STK39: variants seen among roughly 807,000 people sequenced by gnomAD.
STK39 encodes serine/threonine kinase 39.
In STK39, 20 loss-of-function variants were observed where a neutral mutation model predicts 77.8. The observed-to-expected ratio is 0.26, with a 90% confidence interval of 0.18 to 0.37. STK39 has a LOEUF of 0.37. Among genes scored for constraint, STK39 ranks in the 10% least tolerant of loss-of-function variants. STK39 has a pLI of 1.00. For missense variants in STK39, 479 were observed against 656.5 expected (o/e 0.73, Z 2.95); for synonymous variants, 246 against 234.1 (o/e 1.05, Z -0.47).
chr2:168,063,487 C>T lies in STK39; in HGVS notation c.1376+13G>A. 6.2e-7 allele frequency: 1 copy of T among 1,604,618 alleles called. No homozygotes were observed. Among genetic ancestry groups the T allele is most frequent in the South Asian group, 1.1e-5 (1 of 89,288 alleles). The stretch of plus-strand genomic sequence containing the variant: ...AGGAAAAACAATGCAGAATAAACAA[C>T]AGTATTATTTACCTTAATCTCAAAA... On this transcript the variant is annotated intron_variant, in intron 14 of 17. Transcript: ENST00000355999.
chr2:168,160,806 A>AT lies in STK39; in HGVS notation c.628+980_628+981insA, dbSNP rs1559126530. Among the ~76,000 whole-genome samples the AT allele has an allele frequency of 1.6e-4, 25 of 152,190 alleles. No homozygotes were observed. The South Asian group carries it at 3.3e-3, about 20-fold the overall frequency. ...TAGCTGTTACTTGTTTAACTGAAGT[A>AT]CTTTTTCAAACTGTCCTTAGCCTAT... On this transcript the variant is annotated intron_variant, in intron 5 of 17. Transcript: ENST00000355999.
intron 1 of STK39, among the ~76,000 whole-genome samples, chr2:168,185,181 A>C (rs1430522959): frequency 6.6e-6 from 1 of 152,216 alleles, no homozygotes; most frequent in Non-Finnish European, 1.5e-5. Context: ...TCAATGAAGT[A>C]TCATGCACCC....
intron 16 of STK39, among the ~76,000 whole-genome samples, chr2:167,982,603 C>T (rs138463821): frequency 1.9e-4 from 29 of 152,342 alleles, no homozygotes; most frequent in Non-Finnish European, 3.7e-4. Context: ...GGTCACTCTA[C>T]TTACAAGGGA....
At chr2:168,091,900 A>C (rs529562850) in intron 10 of STK39, among the ~76,000 whole-genome samples, 1 of 152,334 alleles carries the variant, frequency 6.6e-6, no homozygotes, top group East Asian at 1.9e-4. Context: ...GACATTTAAA[A>C]ACATGATCAC....
chr2:168,085,457 T>A, intron 10 of STK39, among the ~76,000 whole-genome samples: 1 of 152,190 alleles, frequency 6.6e-6, no homozygotes, highest in Non-Finnish European at 1.5e-5. Flanking sequence ...AGCAGATATT[T>A]GTCTCTTTAG....
At chr2:168,149,909 T>A (rs144610974) in intron 5 of STK39, among the ~76,000 whole-genome samples, 2 of 152,112 alleles carry the variant, frequency 1.3e-5, no homozygotes, top group Non-Finnish European at 2.9e-5. Flanking sequence ...CCAAAGAAAA[T>A]AGCACACTTC....
intron 5 of STK39, among the ~76,000 whole-genome samples, chr2:168,157,751 T>C (rs1688471706): frequency 6.6e-6 from 1 of 152,038 alleles, no homozygotes; most frequent in Non-Finnish European, 1.5e-5. Context: ...AACATATGAA[T>C]TTGGAGGGCA....
At chr2:168,135,796 AAC>A (rs1186175032) in intron 8 of STK39, among the ~76,000 whole-genome samples, 4 of 152,190 alleles carry the variant, frequency 2.6e-5, no homozygotes, top group African/African-American at 9.6e-5. Context: ...ATGTGCCACT[AAC>A]AGTCTATAGC....
At chr2:168,234,583 C>G (rs898728362) in intron 1 of STK39, among the ~76,000 whole-genome samples, 1 of 152,146 alleles carries the variant, frequency 6.6e-6, no homozygotes, top group African/African-American at 2.4e-5. Flanking sequence ...TGTTCCTCCA[C>G]CTTACTTTAC....
intron 5 of STK39, among the ~76,000 whole-genome samples, chr2:168,157,849 T>C (rs1688474294): frequency 6.6e-6 from 1 of 152,234 alleles, no homozygotes; most frequent in African/African-American, 2.4e-5. Flanking sequence ...AATGTAGTAG[T>C]AAGCTTCTAC....
At chr2:168,241,277 G>C (rs893489207) in intron 1 of STK39, among the ~76,000 whole-genome samples, 1 of 152,236 alleles carries the variant, frequency 6.6e-6, no homozygotes, top group African/African-American at 2.4e-5. Flanking sequence ...CCTCGCACTG[G>C]CTGGGACACA....
intron 16 of STK39, among the ~76,000 whole-genome samples, chr2:167,980,332 C>T (rs564489364): frequency 1.3e-5 from 2 of 152,316 alleles, no homozygotes; most frequent in South Asian, 4.1e-4. Flanking sequence ...CAACACATAA[C>T]TTCCCAGGAT....
rs1683245283 is a variant in STK39, at chr2:167,975,294, T to C, written c.1499-10568A>G. Among the ~76,000 whole-genome samples the C allele has an allele frequency of 2.6e-5, 4 of 152,318 alleles. 1 individual carries two copies. In the South Asian group the frequency reaches 8.3e-4, roughly 32 times the overall value. ...GACTGACCATTTTCATTCAGTTTTT[T>C]TCAAGGATGAGAGTCTAGGCCACCC... On this transcript the variant is annotated intron_variant, in intron 16 of 17. Coordinates refer to ENST00000355999, the MANE Select transcript of STK39 (RefSeq NM_013233.3).
chr2:168,058,462 A>C (rs1026127623), intron 14 of STK39, among the ~76,000 whole-genome samples: 22 of 152,182 alleles, frequency 1.4e-4, no homozygotes, highest in African/African-American at 4.6e-4. Flanking sequence ...CACTCATTTC[A>C]TAACTTTAAA....
At chr2:168,163,699 T>G in intron 4 of STK39, 40 bp downstream of exon 4, 1 of 1,612,672 alleles carries the variant, frequency 6.2e-7, no homozygotes, top group Non-Finnish European at 8.5e-7. Flanking sequence ...CTCTTTAAGA[T>G]ATGAACATCT....
intron 1 of STK39, among the ~76,000 whole-genome samples, chr2:168,242,371 G>C (rs1361660481): frequency 3.3e-5 from 5 of 151,218 alleles, no homozygotes; most frequent in African/African-American, 1.2e-4. Context: ...TGACCAGCCT[G>C]GCCAACATGG....
intron 10 of STK39, among the ~76,000 whole-genome samples, chr2:168,104,415 T>C (rs773208505): frequency 4.6e-5 from 7 of 152,046 alleles, no homozygotes; most frequent in South Asian, 4.2e-4. Context: ...TTGCAAGTAG[T>C]ATAAGATTGT....
At chr2:168,150,092 C>T (rs939537857) in intron 5 of STK39, among the ~76,000 whole-genome samples, 1 of 152,216 alleles carries the variant, frequency 6.6e-6, no homozygotes, top group Non-Finnish European at 1.5e-5. Context: ...CCCCAGCTGA[C>T]TTGAACGCAC....
At chr2:168,004,608 C>A (rs1005299240) in intron 16 of STK39, among the ~76,000 whole-genome samples, 2 of 151,730 alleles carry the variant, frequency 1.3e-5, no homozygotes, top group African/African-American at 2.4e-5. Context: ...TGGTGGGTGC[C>A]TGTAGTCCCA....
Sources: gnomAD v4.1 joint callset for allele counts (sites outside exome capture counted in the v4.1 genomes callset) on GRCh38, gnomAD v4.1.1 for gene constraint, MANE v1.5 for transcripts, NCBI Gene and HGNC (gene_info 2026-07-23, HGNC 2026-07-21) for gene names.